Variants in PTPRS observed in about 807,000 individuals in gnomAD.
PTPRS encodes the protein protein tyrosine phosphatase receptor type S, also known as receptor-type tyrosine-protein phosphatase S.
In PTPRS, 63 loss-of-function variants were observed where a neutral mutation model predicts 215.3. The ratio of observed to expected loss-of-function variants is 0.29; its 90% CI spans 0.24 to 0.36. The LOEUF (loss-of-function observed/expected upper bound fraction) is 0.36, where lower values mean the gene tolerates loss of function less well. Among genes scored for constraint, PTPRS ranks in the 10% least tolerant of loss-of-function variants. The pLI is 1.00. For missense variants in PTPRS, 2,258 were observed against 2,825.8 expected, an observed-to-expected ratio of 0.80 and a Z score of 4.56; for synonymous variants, 1,404 against 1,191.4, an observed-to-expected ratio of 1.18 and a Z score of -3.68.
intron 6 of PTPRS, 46 bp from the exon 7 acceptor site, chr19:5,260,868 GT>G (rs10708972): frequency 0.67 from 1,075,691 of 1,608,302 alleles, 362,535 homozygotes; most frequent in East Asian, 0.78. Flanking sequence ...CAAGGCGGTT[GT>G]TGGGGGGCCG....
Position 5,231,395 on chromosome 19 carries a change from G to A in PTPRS, c.2070C>T (p.Thr690=), listed in dbSNP as rs748432780. Residue 690 remains threonine, a synonymous_variant, in exon 14 of 38, where the codon ACC becomes ACT. Transcript: ENST00000262963. The part of the protein sequence containing the change: ...QILLEALEKW[T]QYRITTVAHT... ...GAGCGACAGTCGTGATGCGGTACTG[G>A]GTCCACTTCTCCAAGGCCTCCAGCA... 2.1e-5 allele frequency: 34 copies of A among 1,613,004 alleles called. 1 individual carries two copies. The highest frequency in any genetic ancestry group is 2.8e-5 in the Non-Finnish European group (33 of 1,179,932).
chr19:5,308,869 A>G (rs1451281548), intron 1 of PTPRS, among the ~76,000 whole-genome samples: 1 of 152,100 alleles, frequency 6.6e-6, no homozygotes, highest in African/African-American at 2.4e-5. Context: ...TCCTAAACTA[A>G]TTTTTGTATG....
At position 5,339,218 on chromosome 19, in the gene PTPRS, G is replaced by A. The variant is rs2050606157; in HGVS notation, c.-95+1446C>T. Among the ~76,000 whole-genome samples the A allele has an allele frequency of 6.6e-6, 1 of 152,136 alleles. No individual in the cohort carries two copies. Among genetic ancestry groups the A allele is most frequent in the Admixed American group, 6.5e-5 (1 of 15,278 alleles). ...GGGGGGGGACAGGGGAATCCCAGCTGAGCCCAGAAGGGGGAGGCAAGGCAC... is the reference window on the plus strand; with the variant it reads ...GGGGGGGGACAGGGGAATCCCAGCTAAGCCCAGAAGGGGGAGGCAAGGCAC... On this transcript the variant is annotated intron_variant, in intron 1 of 37. Transcript: ENST00000262963. The surrounding 1 kb of genome is among the most constrained non-coding windows in gnomAD (Gnocchi z 4.2).
chr19:5,206,515 T>TGG lies in PTPRS; in HGVS notation c.*257_*258dup. 4.3e-6 allele frequency: 1 copy of TGG among 233,434 alleles called. No homozygotes were observed. Among genetic ancestry groups the TGG allele is most frequent in the East Asian group, 1.2e-4 (1 of 8,230 alleles). The allele number at this position is 233,434 out of a possible 1,614,324, so 14.5% of individuals were successfully genotyped here. A position where few individuals can be genotyped will look rare whatever the true frequency, so the allele number is the denominator to read the frequency against. On this transcript the variant is annotated 3_prime_UTR_variant, in exon 38 of 38. Transcript: ENST00000262963. ...TCCCCCCACCCCCCACCCCGGAATCTGGTTTTGGAATTGGAAGGAAAGGAG... is the reference window on the plus strand; with the variant it reads ...TCCCCCCACCCCCCACCCCGGAATCTGGGGTTTTGGAATTGGAAGGAAAGGAG...
rs535138847 is a variant in PTPRS at position 5,268,449 on chromosome 19, T to C, written c.380-3253A>G. Among the ~76,000 whole-genome samples, 123 of 151,966 alleles carry C rather than the reference T, an allele frequency of 8.1e-4. 1 individual carries two copies. The highest frequency in any genetic ancestry group is 2.8e-3 in the African/African-American group (115 of 41,438). On this transcript the variant is annotated intron_variant, in intron 4 of 37. Coordinates refer to ENST00000262963, the MANE Select transcript of PTPRS (RefSeq NM_002850.4). Reference sequence around the variant, plus strand: ...ATGGGACATGGGGCTCAGGGGTGGGTGGCCGTGGACAGAGGTGGGCAGGAG... The same window carrying C: ...ATGGGACATGGGGCTCAGGGGTGGGCGGCCGTGGACAGAGGTGGGCAGGAG...
rs10527451 is a variant in PTPRS at position 5,272,595 on chromosome 19, C to CAAAAAAAAAAAAAAAAAAAAA, written c.379+826_379+846dup. ...CCAGCGCAACAAAGCAAGACTGTCT[C>CAAAAAAAAAAAAAAAAAAAAA]AAAAAAAAAAAAAAAAAAAAAAAAA... On this transcript the variant is annotated intron_variant, in intron 4 of 37. Transcript: ENST00000262963. 3.4e-4 allele frequency among the ~76,000 whole-genome samples: 25 copies of CAAAAAAAAAAAAAAAAAAAAA among 73,434 alleles called. 2 individuals are homozygous for CAAAAAAAAAAAAAAAAAAAAA. Among genetic ancestry groups the CAAAAAAAAAAAAAAAAAAAAA allele is most frequent in the Non-Finnish European group, 5.8e-4 (22 of 37,998 alleles). The allele number at this position is 73,434 out of a possible 152,430, so 48.2% of individuals were successfully genotyped here.
intron 13 of PTPRS, among the ~76,000 whole-genome samples, chr19:5,234,247 A>G (rs1292499874): frequency 6.6e-6 from 1 of 152,236 alleles, no homozygotes; most frequent in African/African-American, 2.4e-5. Context: ...GCTTACTTCA[A>G]CTAGGACCAT....
intron 1 of PTPRS, among the ~76,000 whole-genome samples, chr19:5,331,633 G>A (rs567494173): frequency 7.2e-5 from 11 of 152,164 alleles, no homozygotes; most frequent in African/African-American, 9.6e-5. Flanking sequence ...AAGTGACCCC[G>A]GCTGAGAACC....
At chr19:5,209,786 C>G (rs1212490406) in intron 35 of PTPRS, among the ~76,000 whole-genome samples, 2 of 152,176 alleles carry the variant, frequency 1.3e-5, no homozygotes, top group Non-Finnish European at 2.9e-5. Context: ...TCCACCCCTC[C>G]AAGGGCACCA....
Position 5,231,415 on chromosome 19 carries a change from C to T in PTPRS, c.2050G>A (p.Glu684Lys), listed in dbSNP as rs1036934835. The T allele has an allele frequency of 2.5e-6, 4 of 1,613,028 alleles. No homozygotes were observed. The African/African-American group carries it at 5.3e-5, about 22-fold the overall frequency. Residue 684 changes from glutamate to lysine, a missense_variant, in exon 14 of 38, where the codon GAG (glutamate) becomes AAG (lysine). By Grantham distance (56) the Glu-to-Lys change is moderately conservative (BLOSUM62 1). Coordinates refer to ENST00000262963, the MANE Select transcript of PTPRS (RefSeq NM_002850.4). ...TACTGGGTCCACTTCTCCAAGGCCT[C>T]CAGCAGGATCTGAGTGGTGGTCGGG... ...IPPTTTQILLEALEKWTQYRI... is the reference protein window; with the variant it reads ...IPPTTTQILLKALEKWTQYRI...
intron 4 of PTPRS, among the ~76,000 whole-genome samples, chr19:5,268,794 G>A (rs1322473446): frequency 6.6e-6 from 1 of 152,226 alleles, no homozygotes; most frequent in East Asian, 1.9e-4. Context: ...CATACAGCCA[G>A]CATGTAGCAA....
Position 5,210,777 on chromosome 19 carries a change from CCT to C in PTPRS, c.5261_5262del (p.Gln1754ArgfsTer111), listed in dbSNP as rs1568363177. 1.2e-6 allele frequency: 2 copies of C among 1,613,934 alleles called. No homozygotes were observed. Among genetic ancestry groups the C allele is most frequent in the Admixed American group, 1.7e-5 (1 of 59,998 alleles). Reference sequence around the variant, plus strand: ...TCTTCCGTGGTCTCCGCCAGCGGCCCCTGTGTCGCGATGTAGGCCTTCTGCTG... The same window carrying C: ...TCTTCCGTGGTCTCCGCCAGCGGCCCGTGTCGCGATGTAGGCCTTCTGCTG... ...YRQQKAYIAT[Q>X]GPLAETTEDF... On this transcript the variant is annotated frameshift_variant, in exon 34 of 38. Transcript: ENST00000262963. LOFTEE classifies it high-confidence loss of function. The surrounding 1 kb of genome is among the most constrained non-coding windows in gnomAD (Gnocchi z 4.5).
At chr19:5,241,216 G>A (rs1250917267) in intron 11 of PTPRS, among the ~76,000 whole-genome samples, 1 of 151,682 alleles carries the variant, frequency 6.6e-6, no homozygotes, top group Non-Finnish European at 1.5e-5. Flanking sequence ...AATCACCCCA[G>A]TGCCCTCGCT....
At chr19:5,219,817 C>G in intron 22 of PTPRS, 122 bp downstream of exon 22, 1 of 1,142,678 alleles carries the variant, frequency 8.8e-7, no homozygotes, top group Non-Finnish European at 1.2e-6. Context: ...GTCTTCCCCT[C>G]TGCCCAGCTC....
At chr19:5,250,484 C>T (rs990704596) in intron 9 of PTPRS, among the ~76,000 whole-genome samples, 8 of 152,118 alleles carry the variant, frequency 5.3e-5, no homozygotes, top group African/African-American at 1.2e-4. Context: ...GCGGGACCCC[C>T]GCCCCCAATT....
At chr19:5,270,890 T>C (rs2046851659) in intron 4 of PTPRS, among the ~76,000 whole-genome samples, 1 of 152,234 alleles carries the variant, frequency 6.6e-6, no homozygotes, top group African/African-American at 2.4e-5. Flanking sequence ...AGTTGTCCAC[T>C]TGCCTCGGCC....
chr19:5,312,736 G>A (rs1453824867), intron 1 of PTPRS, among the ~76,000 whole-genome samples: 6 of 152,170 alleles, frequency 3.9e-5, no homozygotes, highest in African/African-American at 1.2e-4. Flanking sequence ...CACATACTGC[G>A]TGCCAGGCAT....
intron 1 of PTPRS, among the ~76,000 whole-genome samples, chr19:5,336,474 G>A (rs953102736): frequency 6.6e-6 from 1 of 151,978 alleles, no homozygotes; most frequent in Non-Finnish European, 1.5e-5. Context: ...GTGATAAGAT[G>A]ACATGCATTT....
chr19:5,225,902 C>G (rs2042448267), intron 16 of PTPRS, 58 bp from the exon 17 acceptor site: 1 of 1,399,162 alleles, frequency 7.1e-7, no homozygotes, highest in Non-Finnish European at 1.0e-6. Flanking sequence ...CCCCACCCAC[C>G]CCCACTCCCC....
Sources: gnomAD v4.1 joint callset for allele counts (sites outside exome capture counted in the v4.1 genomes callset) on GRCh38, gnomAD v4.1.1 for gene constraint, Gnocchi (gnomAD v3.1) non-coding constraint, MANE v1.5 for transcripts, NCBI Gene and HGNC (gene_info 2026-07-23, HGNC 2026-07-21) for gene names.